ARL14EP: variants seen among roughly 807,000 people sequenced by gnomAD.
ARL14EP encodes ARF like GTPase 14 effector protein, also known as ARL14 effector protein.
Under a neutral mutation model 23.1 loss-of-function variants are expected in ARL14EP, and 12 were observed. That is an observed-to-expected ratio of 0.52 (90% CI 0.33 to 0.84). ARL14EP has a LOEUF of 0.84. Ranked by LOEUF, ARL14EP falls within the 40% of genes least tolerant of loss-of-function variation. The pLI, the probability that ARL14EP is intolerant of heterozygous loss-of-function variation, is 0.02. For missense variants in ARL14EP, 253 were observed against 307.3 expected (o/e 0.82, Z 1.32); for synonymous variants, 97 against 102.0 (o/e 0.95, Z 0.29).
chr11:30,335,765 T>C (rs972419021), intron 3 of ARL14EP, among the ~76,000 whole-genome samples: 2 of 123,786 alleles, frequency 1.6e-5, no homozygotes, highest in African/African-American at 6.4e-5. Flanking sequence ...CAAAAAAATA[T>C]ATATATATAT....
At chr11:30,328,870 C>T (rs1228500876) in intron 1 of ARL14EP, 1 of 151,968 alleles carries the variant, frequency 6.6e-6, no homozygotes, top group Non-Finnish European at 1.5e-5. Flanking sequence ...CCCTACCACT[C>T]AGATTTCAGT....
At chr11:30,326,918 A>G (rs913482710) in intron 1 of ARL14EP, among the ~76,000 whole-genome samples, 4 of 152,190 alleles carry the variant, frequency 2.6e-5, no homozygotes, top group Non-Finnish European at 5.9e-5. Flanking sequence ...ACAGTTGGCA[A>G]TGTCTTCTAT....
intron 3 of ARL14EP, among the ~76,000 whole-genome samples, chr11:30,336,180 A>G (rs181086435): frequency 1.0e-3 from 157 of 152,332 alleles, no homozygotes; most frequent in African/African-American, 3.6e-3. Flanking sequence ...TAATTGTAGT[A>G]TAAAAATCTA....
chr11:30,330,888 T>C lies in ARL14EP; in HGVS notation c.-61T>C. The C allele has an allele frequency of 6.7e-7, 1 of 1,493,332 alleles. No homozygotes were observed. Among genetic ancestry groups the C allele is most frequent in the Admixed American group, 1.7e-5 (1 of 58,578 alleles). The allele number at this position is 1,493,332 out of a possible 1,614,324, so 92.5% of individuals were successfully genotyped here. On this transcript the variant is annotated splice_region_variant and 5_prime_UTR_variant, in exon 2 of 4. Transcript: ENST00000282032. ...ATTCTCTTTAATATTTTCTCTAGGG[T>C]GATCAGCCCATGACCTAAACCTCCA...
chr11:30,330,629 G>T, intron 1 of ARL14EP: 4 of 283,286 alleles, frequency 1.4e-5, no homozygotes, highest in Non-Finnish European at 2.7e-5. Context: ...TGTATCTTAG[G>T]ATAATATTTC....
At position 30,330,968 on chromosome 11, in the gene ARL14EP, T is replaced by C. The variant is rs773429758; in HGVS notation, c.20T>C (p.Val7Ala). The change falls in exon 2 of 4, where the codon GTT (valine) becomes GCT (alanine). Residue 7 changes from valine to alanine, a missense_variant. Physicochemically the swap from Val to Ala is moderately conservative, Grantham distance 64. Coordinates refer to ENST00000282032, the MANE Select transcript of ARL14EP (RefSeq NM_152316.3). ...TCAAGAATGATGGATCCATGTTCAG[T>C]TGGAGTCCAGCTTCGTACTACAAAT... is the stretch of plus-strand genomic sequence containing the variant. MMDPCS[V>A]GVQLRTTNEC... 30 of 1,613,596 alleles carry C rather than the reference T, an allele frequency of 1.9e-5. No homozygotes were observed. The highest frequency in any genetic ancestry group is 6.7e-5 in the East Asian group (3 of 44,874).
chr11:30,331,704 A>G (rs1403895441), intron 2 of ARL14EP: 2 of 1,142,300 alleles, frequency 1.8e-6, no homozygotes, highest in Non-Finnish European at 1.1e-6. Context: ...AAGTAACTAC[A>G]CGGGACATGG....
chr11:30,332,751 G>T, intron 2 of ARL14EP, 115 bp from the exon 3 acceptor site: 2 of 1,309,314 alleles, frequency 1.5e-6, no homozygotes, highest in Admixed American at 2.3e-5. Flanking sequence ...TTTCTTTTTT[G>T]TGTGTTCCAG....
intron 1 of ARL14EP, among the ~76,000 whole-genome samples, chr11:30,327,419 C>T (rs1211031637): frequency 6.6e-6 from 1 of 152,104 alleles, no homozygotes; most frequent in Non-Finnish European, 1.5e-5. Context: ...TTACTATGGA[C>T]AGATAAGGTT....
In ARL14EP at chr11:30,331,246, T is replaced by TAG; in HGVS notation, c.298_299insAG (p.Phe100Ter). 1.2e-6 allele frequency: 2 copies of TAG among 1,614,010 alleles called. No homozygotes were observed. Among genetic ancestry groups the TAG allele is most frequent in the Non-Finnish European group, 8.5e-7 (1 of 1,179,886 alleles). ...TGTAATTGACTTAGATGATGCCACT[T>TAG]TTCTGAGTGCTAAATTTGGAAGACA... Reference protein sequence around the residue: ...LHVIDLDDATFLSAKFGRQLV... With the variant: ...LHVIDLDDAT Residue 100 changes from phenylalanine (F) to a stop codon, truncating the protein, a stop_gained and frameshift_variant, in exon 2 of 4, where the codon TTT becomes TAGTT. Transcript: ENST00000282032. LOFTEE classifies it high-confidence loss of function.
At chr11:30,334,421 A>G (rs1458125032) in intron 3 of ARL14EP, among the ~76,000 whole-genome samples, 1 of 151,868 alleles carries the variant, frequency 6.6e-6, no homozygotes, top group Admixed American at 6.6e-5. Flanking sequence ...TCACCATGTT[A>G]GCCAGGATGG....
intron 1 of ARL14EP, 109 bp downstream of exon 1, chr11:30,323,311 AGAG>A (rs1214926303): frequency 6.5e-6 from 1 of 152,822 alleles, no homozygotes; most frequent in Non-Finnish European, 1.5e-5. Flanking sequence ...GAGAGGTGGA[AGAG>A]GAGGCCCGCA....
rs1947334693 is a variant in ARL14EP, at chr11:30,336,652, G to A, written c.640G>A (p.Glu214Lys). 3 of 1,614,152 alleles carry A rather than the reference G, an allele frequency of 1.9e-6. No homozygotes were observed. Among genetic ancestry groups the A allele is most frequent in the Non-Finnish European group, 1.7e-6 (2 of 1,180,028 alleles). ...GATGGACCTCTGTGACTGCCTGGAT[G>A]AAGACTGCTTAGGATGTTTCTATGC... ...SGMDLCDCLD[E>K]DCLGCFYACP... The change falls in exon 4 of 4, where the codon GAA (glutamate) becomes AAA (lysine). Residue 214 changes from glutamate to lysine, a missense_variant. By Grantham distance (56) the Glu-to-Lys change is moderately conservative. Coordinates refer to ENST00000282032, the MANE Select transcript of ARL14EP (RefSeq NM_152316.3).
rs1253791656 is a variant in ARL14EP, at chr11:30,337,233, A to G, written c.*438A>G. 4.9e-6 allele frequency: 1 copy of G among 206,026 alleles called. No homozygotes were observed. The highest frequency in any genetic ancestry group is 2.4e-5 in the African/African-American group (1 of 42,356). 12.8% of individuals were successfully genotyped at this position (206,026 alleles called of 1,614,324 possible). ...TCTCTGCTAGCTCTTCAGTCTACAA[A>G]TCGCTATGTAAATAACAGATATGCT... On this transcript the variant is annotated 3_prime_UTR_variant, in exon 4 of 4. Coordinates refer to ENST00000282032, the MANE Select transcript of ARL14EP (RefSeq NM_152316.3).
intron 1 of ARL14EP, among the ~76,000 whole-genome samples, chr11:30,326,571 T>G (rs1947236240): frequency 6.6e-6 from 1 of 152,170 alleles, no homozygotes; most frequent in Non-Finnish European, 1.5e-5. Context: ...ATGCAGAACT[T>G]TAGCTTATAG....
intron 1 of ARL14EP, among the ~76,000 whole-genome samples, chr11:30,327,473 A>G (rs1477703223): frequency 6.6e-6 from 1 of 152,198 alleles, no homozygotes; most frequent in African/African-American, 2.4e-5. Context: ...TTTTCCTATC[A>G]AATATGACCA....
chr11:30,328,680 C>G (rs985351334), intron 1 of ARL14EP: 5 of 151,940 alleles, frequency 3.3e-5, no homozygotes, highest in African/African-American at 4.8e-5. Context: ...ATTTATTCGC[C>G]ATTTTTTGTT....
chr11:30,324,548 TG>T (rs1304275822), intron 1 of ARL14EP, among the ~76,000 whole-genome samples: 3 of 151,962 alleles, frequency 2.0e-5, no homozygotes, highest in African/African-American at 4.8e-5. Flanking sequence ...GTTTTGTTAG[TG>T]GTGGGGGGGG....
At chr11:30,330,190 T>A (rs1471849335) in intron 1 of ARL14EP, 19 of 152,160 alleles carry the variant, frequency 1.2e-4, no homozygotes. Flanking sequence ...TCTGTTTGTT[T>A]ATACTATACC....
Sources: gnomAD v4.1 joint callset for allele counts (sites outside exome capture counted in the v4.1 genomes callset) on GRCh38, gnomAD v4.1.1 for gene constraint, MANE v1.5 for transcripts, NCBI Gene and HGNC (gene_info 2026-07-23, HGNC 2026-07-21) for gene names.